The following CELF1 variants were observed in gnomAD, a reference collection of about 807,000 sequenced individuals.
CELF1 encodes 50 kDa nuclear polyadenylated RNA-binding protein.
In CELF1, 10 loss-of-function variants were observed where a neutral mutation model predicts 61.8. That is an observed-to-expected ratio of 0.16 (90% CI 0.10 to 0.27). The LOEUF is 0.27. Ranked by LOEUF, CELF1 falls within the 10% of genes least tolerant of loss-of-function variation. The probability of loss-of-function intolerance (pLI) is 1.00; values close to 1 mark genes in which losing one functional copy is unlikely to be tolerated. For missense variants in CELF1, 380 were observed against 639.1 expected, an observed-to-expected ratio of 0.59 and a Z score of 4.37; for synonymous variants, 236 against 225.1, an observed-to-expected ratio of 1.05 and a Z score of -0.43.
intron 3 of CELF1, among the ~76,000 whole-genome samples, chr11:47,489,514 C>T (rs2089815734): frequency 6.6e-6 from 1 of 152,104 alleles, no homozygotes; most frequent in Non-Finnish European, 1.5e-5. Flanking sequence ...ACTTGATTTT[C>T]AAGGATTAAA....
At chr11:47,493,487 G>A (rs916023613) in intron 3 of CELF1, among the ~76,000 whole-genome samples, 6 of 134,578 alleles carry the variant, frequency 4.5e-5, no homozygotes, top group South Asian at 2.4e-4. Context: ...CAGCCTGGGC[G>A]ACAGAGCAAG....
intron 1 of CELF1, among the ~76,000 whole-genome samples, chr11:47,541,276 C>T (rs1468810772): frequency 1.2e-5 from 1 of 86,064 alleles, no homozygotes; most frequent in African/African-American, 4.7e-5. Flanking sequence ...CATATTCACA[C>T]AGTCTGCAAG....
In CELF1 at chr11:47,502,006, C is replaced by T. The variant is rs542200573; in HGVS notation, c.-153-1074G>A. Among the ~76,000 whole-genome samples the T allele has an allele frequency of 2.6e-5, 4 of 152,304 alleles. No homozygotes were observed. In the South Asian group the frequency reaches 8.3e-4, roughly 32 times the overall value. ...ATGGAGACATTACTGAGTTGCCAGG[C>T]ACTGTCCAATGTATGAAAAGATGTG... On this transcript the variant is annotated intron_variant, in intron 1 of 14. Transcript: ENST00000687097.
intron 1 of CELF1, among the ~76,000 whole-genome samples, chr11:47,546,006 G>T (rs1598497054): frequency 6.6e-6 from 1 of 151,184 alleles, no homozygotes; most frequent in South Asian, 2.1e-4. Context: ...CGCCTCCCGG[G>T]TTCACGCCAT....
chr11:47,520,610 C>A (rs2095836380), intron 1 of CELF1, among the ~76,000 whole-genome samples: 1 of 151,584 alleles, frequency 6.6e-6, no homozygotes, highest in African/African-American at 2.4e-5. Context: ...GAGTTCAAGA[C>A]CAGCCTGGGC....
chr11:47,489,932 C>CTTTTTTTTTTTTTTTTTTTTT (rs530410346), intron 3 of CELF1, among the ~76,000 whole-genome samples: 14 of 23,426 alleles, frequency 6.0e-4, no homozygotes, highest in Admixed American at 1.5e-3. Flanking sequence ...AACATACCAT[C>CTTTTTTTTTTTTTTTTTTTTT]TTGTTTTTTT....
At chr11:47,521,592 C>T (rs2095889295) in intron 1 of CELF1, among the ~76,000 whole-genome samples, 1 of 152,196 alleles carries the variant, frequency 6.6e-6, no homozygotes, top group Non-Finnish European at 1.5e-5. Context: ...CAGTATCTAC[C>T]TTACAGGATA....
upstream of CELF1, among the ~76,000 whole-genome samples, chr11:47,557,261 C>T (rs1598735984): frequency 1.3e-5 from 2 of 150,606 alleles, no homozygotes; most frequent in Admixed American, 1.3e-4. Context: ...CTCTGTGGCC[C>T]AGGCTGGAGT....
chr11:47,493,810 A>G (rs1596762383), intron 3 of CELF1, among the ~76,000 whole-genome samples: 3 of 152,176 alleles, frequency 2.0e-5, no homozygotes, highest in African/African-American at 4.8e-5. Flanking sequence ...ACCCGTGTGT[A>G]TGTAATAAGC....
chr11:47,472,378 C>G, intron 14 of CELF1, 21 bp from the exon 15 acceptor site: 5 of 1,611,642 alleles, frequency 3.1e-6, no homozygotes, highest in Non-Finnish European at 4.2e-6. Context: ...AAGCAGAAAC[C>G]TAGGTGAGGG....
chr11:47,540,846 C>G (rs1361898550), intron 1 of CELF1, among the ~76,000 whole-genome samples: 1 of 152,118 alleles, frequency 6.6e-6, no homozygotes, highest in Non-Finnish European at 1.5e-5. Context: ...GATCGCGCCA[C>G]TGGACTCCAG....
intron 13 of CELF1, among the ~76,000 whole-genome samples, chr11:47,474,692 C>T (rs746473488): frequency 3.4e-4 from 51 of 152,218 alleles, no homozygotes; most frequent in Non-Finnish European, 6.5e-4. Context: ...TACATTAGTG[C>T]TTATACCAGC....
In CELF1 at chr11:47,553,071, G is replaced by GCCGAATCCCGGGGGAGCCT. The variant is rs2097184685; in HGVS notation, c.-252_-234dup. The GCCGAATCCCGGGGGAGCCT allele has an allele frequency of 2.5e-6, 1 of 400,722 alleles. No individual in the cohort carries two copies. Among genetic ancestry groups the GCCGAATCCCGGGGGAGCCT allele is most frequent in the African/African-American group, 2.1e-5 (1 of 48,516 alleles). The allele number at this position is 400,722 out of a possible 1,614,324, so 24.8% of individuals were successfully genotyped here. ...CCGCCGCCGCCGCCTCGCTGCTGAG[G>GCCGAATCCCGGGGGAGCCT]CCGAATCCCGGGGGAGCCTCCGCGT... On this transcript the variant is annotated 5_prime_UTR_variant, in exon 1 of 15. Coordinates refer to ENST00000687097, the MANE Select transcript of CELF1 (RefSeq NM_001376376.1).
chr11:47,505,308 C>T (rs537641435), intron 1 of CELF1, among the ~76,000 whole-genome samples: 3 of 151,338 alleles, frequency 2.0e-5, no homozygotes, highest in South Asian at 2.1e-4. Flanking sequence ...TGTAAGTTTA[C>T]ACTTTATTTA....
intron 6 of CELF1, among the ~76,000 whole-genome samples, chr11:47,485,261 G>A (rs2086028141): frequency 6.6e-6 from 1 of 150,440 alleles, no homozygotes; most frequent in Non-Finnish European, 1.5e-5. Context: ...GCTCACTACA[G>A]CCTTGACCTG....
At position 47,476,710 on chromosome 11, in the gene CELF1, GC is replaced by G. The variant is rs2080365081; in HGVS notation, c.1087+135del. On this transcript the variant is annotated intron_variant, in intron 12 of 14. Coordinates refer to ENST00000687097, the MANE Select transcript of CELF1 (RefSeq NM_001376376.1). ...CAAAGTGCTGGGATTAGAGGTGTGA[GC>G]CACCACACCTGGCCCTCATGATTAT... 39 of 683,176 alleles carry G rather than the reference GC, an allele frequency of 5.7e-5. No individual in the cohort carries two copies. In the South Asian group the frequency reaches 5.9e-4, roughly 10 times the overall value. 42.3% of individuals were successfully genotyped at this position (683,176 alleles called of 1,614,324 possible).
At chr11:47,561,984 T>C (rs915810045) in intron 2 of CELF1, among the ~76,000 whole-genome samples, 14 of 149,438 alleles carry the variant, frequency 9.4e-5, no homozygotes, top group Non-Finnish European at 2.1e-4. Context: ...CCCAGCACTT[T>C]GGGAGGCCGA....
rs1480333807 is a variant in CELF1, at chr11:47,468,712, AAG to A, written c.*3516_*3517del. 2 of 152,572 alleles carry A rather than the reference AAG, an allele frequency of 1.3e-5. No homozygotes were observed. The highest frequency in any genetic ancestry group is 6.5e-5 in the Admixed American group (1 of 15,268). 9.5% of individuals were successfully genotyped at this position (152,572 alleles called of 1,614,324 possible). ...AAAGGAAAAAAAAAGGAAAGAAAAA[AAG>A]AAAAAAAAACGAAGAAAGAAACAAA... On this transcript the variant is annotated 3_prime_UTR_variant, in exon 15 of 15. Coordinates refer to ENST00000687097, the MANE Select transcript of CELF1 (RefSeq NM_001376376.1).
At chr11:47,554,007 C>T (rs2097194132), upstream of CELF1, among the ~76,000 whole-genome samples, 1 of 152,014 alleles carries the variant, frequency 6.6e-6, no homozygotes, top group Admixed American at 6.6e-5. Context: ...AAACTTTGTT[C>T]TGGAAGCTTT....
Sources: gnomAD v4.1 joint callset for allele counts (sites outside exome capture counted in the v4.1 genomes callset) on GRCh38, gnomAD v4.1.1 for gene constraint, MANE v1.5 for transcripts, NCBI Gene and HGNC (gene_info 2026-07-23, HGNC 2026-07-21) for gene names.